Variants in NOTCH2 observed in about 807,000 individuals in gnomAD.
NOTCH2 encodes the protein notch receptor 2, also known as neurogenic locus notch homolog protein 2.
In NOTCH2, 29 loss-of-function variants were observed where a neutral mutation model predicts 235.8. That is an observed-to-expected ratio of 0.12 (90% CI 0.09 to 0.17). The LOEUF (loss-of-function observed/expected upper bound fraction) is 0.17, where lower values mean the gene tolerates loss of function less well. Among genes scored for constraint, NOTCH2 ranks in the 10% least tolerant of loss-of-function variants. The probability of loss-of-function intolerance (pLI) is 1.00; values close to 1 mark genes in which losing one functional copy is unlikely to be tolerated. For missense variants in NOTCH2, 2,285 were observed against 3,150.2 expected (o/e 0.73, Z 6.57); for synonymous variants, 1,086 against 1,141.5 (o/e 0.95, Z 0.98).
chr1:119,919,313 T>C lies in NOTCH2; in HGVS notation c.5780A>G (p.Gln1927Arg). 6.2e-7 allele frequency: 1 copy of C among 1,610,782 alleles called. No homozygotes were observed. The highest frequency in any genetic ancestry group is 8.5e-7 in the Non-Finnish European group (1 of 1,179,768). ...AVAADAQGVF[Q>R]ILIRNRVTDL... Reference sequence around the variant, plus strand: ...AGTGACTCTTCTCATGTTCTTTACCTGGAAGACACCTTGGGCATCAGCTGC... The same window carrying C: ...AGTGACTCTTCTCATGTTCTTTACCCGGAAGACACCTTGGGCATCAGCTGC... Residue 1927 changes from glutamine (Q) to arginine (R), a missense_variant and splice_region_variant, in exon 31 of 34, where the codon CAG becomes CGG. By Grantham distance (43) the Gln-to-Arg change is conservative. Transcript: ENST00000256646.
intron 1 of NOTCH2, among the ~76,000 whole-genome samples, chr1:120,060,349 A>G (rs1655266165): frequency 6.8e-6 from 1 of 146,694 alleles, no homozygotes; most frequent in Non-Finnish European, 1.5e-5. Context: ...AATATTTACC[A>G]CTTATCAAAT....
At chr1:119,963,548 A>G (rs1651024063) in intron 11 of NOTCH2, 26 bp downstream of exon 11, 2 of 1,580,420 alleles carry the variant, frequency 1.3e-6, no homozygotes, top group East Asian at 2.2e-5. Context: ...AAAACCCCAT[A>G]CCAAACATAA....
chr1:119,955,359 T>G, intron 12 of NOTCH2, 127 bp from the exon 13 acceptor site: 1 of 884,170 alleles, frequency 1.1e-6, no homozygotes, highest in Non-Finnish European at 1.8e-6. Context: ...GCACCAAATG[T>G]CAAGATGTAA....
rs587677054 is a variant in NOTCH2 at position 119,980,662 on chromosome 1, G to C, written c.874+6298C>G. On this transcript the variant is annotated intron_variant, in intron 5 of 33. Transcript: ENST00000256646. ...GTTATCATTTATATTTGAGTCTCCTGGTTGTCAGTTATTAATAACCATGGT... is the reference window on the plus strand; with the variant it reads ...GTTATCATTTATATTTGAGTCTCCTCGTTGTCAGTTATTAATAACCATGGT... Among the ~76,000 whole-genome samples, 3 of 152,222 alleles carry C rather than the reference G, an allele frequency of 2.0e-5. No homozygotes were observed. The East Asian group carries it at 5.8e-4, about 29-fold the overall frequency.
chr1:119,975,241 G>A (rs993799998), intron 5 of NOTCH2, among the ~76,000 whole-genome samples: 4 of 152,110 alleles, frequency 2.6e-5, no homozygotes, highest in Non-Finnish European at 5.9e-5. Flanking sequence ...GCATTACCAA[G>A]CCACCATTAG....
chr1:119,937,322 C>T lies in NOTCH2; in HGVS notation c.3482G>A (p.Gly1161Glu). The change falls in exon 21 of 34, where the codon GGG (glycine) becomes GAG (glutamate). Residue 1161 changes from glycine (G) to glutamate (E), a missense_variant. Around this residue, in one of 6 missense-constraint regions of NOTCH2, gnomAD observed 1,173 missense variants for 1,515.3 expected, o/e 0.77. Coordinates refer to ENST00000256646, the MANE Select transcript of NOTCH2 (RefSeq NM_024408.4). The part of the protein sequence containing the change: ...DECASNPCQH[G>E]ATCSDFIGGY... Reference sequence around the variant, plus strand: ...ACCAATGAAGTCACTGCATGTTGCCCCGTGCTGGCAGGGGTTGGACGCACA... The same window carrying T: ...ACCAATGAAGTCACTGCATGTTGCCTCGTGCTGGCAGGGGTTGGACGCACA... 1.2e-6 allele frequency: 2 copies of T among 1,613,974 alleles called. No homozygotes were observed. Among genetic ancestry groups the T allele is most frequent in the Non-Finnish European group, 1.7e-6 (2 of 1,180,038 alleles).
At position 119,917,686 on chromosome 1, in the gene NOTCH2, G is replaced by A; in HGVS notation, c.6006C>T (p.Asn2002=). 6.2e-7 allele frequency: 1 copy of A among 1,613,116 alleles called. No individual in the cohort carries two copies. Among genetic ancestry groups the A allele is most frequent in the Admixed American group, 1.7e-5 (1 of 60,022 alleles). The change falls in exon 33 of 34, where the codon AAC becomes AAT. Residue 2002 remains asparagine (N), a synonymous_variant. Transcript: ENST00000256646. ...ATLLLLKNGA[N]RDMQDNKEET... Reference sequence around the variant, plus strand: ...GTACCTTGTTGTCCTGCATGTCTCGGTTGGCCCCATTTTTCAACAACAAAA... The same window carrying A: ...GTACCTTGTTGTCCTGCATGTCTCGATTGGCCCCATTTTTCAACAACAAAA...
chr1:120,029,057 T>A (rs1208199223), intron 2 of NOTCH2, among the ~76,000 whole-genome samples: 2 of 150,382 alleles, frequency 1.3e-5, no homozygotes, highest in Non-Finnish European at 3.0e-5. Flanking sequence ...TACATTTTCC[T>A]TCATCCTTAC....
chr1:119,997,088 G>A lies in NOTCH2; in HGVS notation c.660C>T (p.Ser220=), dbSNP rs112650847. Residue 220 remains serine (S), a synonymous_variant, in exon 4 of 34, where the codon AGC becomes AGT. Coordinates refer to ENST00000256646, the MANE Select transcript of NOTCH2 (RefSeq NM_024408.4). The stretch of plus-strand genomic sequence containing the variant: ...GTGAGGGTGCACAGGGCACATACAG[G>A]CTGTCACAGTACTGGCCTGTGAAGC... ...PQGFTGQYCD[S]LYVPCAPSPC... 1.9e-6 allele frequency: 3 copies of A among 1,613,896 alleles called. No individual in the cohort carries two copies. The South Asian group carries it at 3.3e-5, about 18-fold the overall frequency.
chr1:119,948,273 A>C (rs587598620), intron 17 of NOTCH2, 141 bp downstream of exon 17: 1 of 851,132 alleles, frequency 1.2e-6, no homozygotes, highest in Admixed American at 1.9e-5. Flanking sequence ...AAGAGTTAAA[A>C]CACTACTGTT....
intron 2 of NOTCH2, among the ~76,000 whole-genome samples, chr1:120,012,139 T>C (rs1653222423): frequency 7.9e-6 from 1 of 126,030 alleles, no homozygotes; most frequent in Non-Finnish European, 1.6e-5. Context: ...ACTGGATGAC[T>C]CCAGTTCATC....
At chr1:119,939,600 G>A (rs1649994298) in intron 19 of NOTCH2, among the ~76,000 whole-genome samples, 1 of 152,224 alleles carries the variant, frequency 6.6e-6, no homozygotes, top group South Asian at 2.1e-4. Context: ...AGCAAAGAGT[G>A]CACAAGGACT....
At chr1:120,011,848 C>A (rs1436953429) in intron 2 of NOTCH2, among the ~76,000 whole-genome samples, 5 of 151,164 alleles carry the variant, frequency 3.3e-5, no homozygotes, top group Non-Finnish European at 4.4e-5. Context: ...AACCCTGTCT[C>A]TACTAAAAAT....
At chr1:119,987,135 C>T (rs200299107) in intron 4 of NOTCH2, 53 bp from the exon 5 acceptor site, 9 of 1,607,368 alleles carry the variant, frequency 5.6e-6, no homozygotes, top group Middle Eastern at 3.3e-4. Context: ...GAAGAAACGA[C>T]CTGCTCTGTT....
rs587665230 is a variant in NOTCH2, at chr1:119,996,561, C to T, written c.751+436G>A. ...GTGGATAAGAAAACAATGAATTACT[C>T]CATCAAAAGCAAAAGCACAAGCACA... On this transcript the variant is annotated intron_variant, in intron 4 of 33. Coordinates refer to ENST00000256646, the MANE Select transcript of NOTCH2 (RefSeq NM_024408.4). The T allele has an allele frequency of 2.3e-5, 16 of 703,910 alleles. No homozygotes were observed. The East Asian group carries it at 3.7e-4, about 16-fold the overall frequency. The allele number at this position is 703,910 out of a possible 1,614,324, so 43.6% of individuals were successfully genotyped here.
chr1:120,067,601 ATTAAG>A (rs1173996830), intron 1 of NOTCH2, among the ~76,000 whole-genome samples: 2 of 152,322 alleles, frequency 1.3e-5, no homozygotes, highest in South Asian at 4.1e-4. Context: ...TATCATGAAG[ATTAAG>A]TTATTTACCA....
intron 17 of NOTCH2, among the ~76,000 whole-genome samples, 182 bp downstream of exon 17, chr1:119,948,223 TTCCACTGCC>T (rs1395678799): frequency 6.6e-6 from 1 of 152,222 alleles, no homozygotes; most frequent in Non-Finnish European, 1.5e-5. Context: ...TTAAAATATA[TTCCACTGCC>T]TCAATTCCCA....
intron 23 of NOTCH2, among the ~76,000 whole-genome samples, chr1:119,927,301 A>T (rs1252005230): frequency 6.6e-6 from 1 of 152,178 alleles, no homozygotes; most frequent in Non-Finnish European, 1.5e-5. Flanking sequence ...GCCGGTGGTC[A>T]CTTGGGAAAG....
chr1:119,982,411 T>C (rs1299229099), intron 5 of NOTCH2, among the ~76,000 whole-genome samples: 1 of 152,190 alleles, frequency 6.6e-6, no homozygotes, highest in Non-Finnish European at 1.5e-5. Flanking sequence ...GAGGAATTTG[T>C]GAGTTGAGCT....
Sources: allele counts gnomAD v4.1 joint callset (sites outside exome capture counted in the v4.1 genomes callset), GRCh38; gene constraint gnomAD v4.1.1; regional missense constraint gnomAD v4.1.1; transcripts MANE v1.5; gene names NCBI Gene and HGNC (gene_info 2026-07-23, HGNC 2026-07-21).